The following NRXN1 variants were observed in gnomAD, a reference collection of about 807,000 sequenced individuals.
NRXN1 encodes the protein neurexin-1.
In NRXN1, 39 loss-of-function variants were observed where a neutral mutation model predicts 150.9. The ratio of observed to expected loss-of-function variants is 0.26; its 90% CI spans 0.20 to 0.34. NRXN1 has a LOEUF of 0.34. Among genes scored for constraint, NRXN1 ranks in the 10% least tolerant of loss-of-function variants. The probability of loss-of-function intolerance (pLI) is 1.00; values close to 1 mark genes in which losing one functional copy is unlikely to be tolerated. For synonymous variants in NRXN1, 924 were observed against 757.0 expected (o/e 1.22, Z -3.62); for missense variants, 1,815 against 1,949.9 (o/e 0.93, Z 1.30).
chr2:50,456,999 A>G (rs2087635174), intron 17 of NRXN1, among the ~76,000 whole-genome samples: 1 of 152,182 alleles, frequency 6.6e-6, no homozygotes, highest in Non-Finnish European at 1.5e-5. Context: ...TGATTCACAT[A>G]AAAGTACTTT....
At chr2:50,838,690 AG>A (rs1262559338) in intron 5 of NRXN1, among the ~76,000 whole-genome samples, 1 of 152,104 alleles carries the variant, frequency 6.6e-6, no homozygotes, top group African/African-American at 2.4e-5. Context: ...GTATGACTAG[AG>A]TGACGCATCT....
chr2:50,922,753 G>A, intron 3 of NRXN1, 66 bp from the exon 4 acceptor site: 5 of 1,518,898 alleles, frequency 3.3e-6, no homozygotes, highest in South Asian at 2.3e-5. Context: ...GGTTGTCACG[G>A]TGACAAAAAT....
At chr2:50,490,955 A>G (rs2091219760) in intron 15 of NRXN1, among the ~76,000 whole-genome samples, 3 of 152,200 alleles carry the variant, frequency 2.0e-5, no homozygotes. Context: ...ATAGACTAAA[A>G]AAAAAAGTAA....
intron 21 of NRXN1, among the ~76,000 whole-genome samples, chr2:50,036,215 A>G (rs923802073): frequency 2.6e-5 from 4 of 152,012 alleles, no homozygotes; most frequent in Non-Finnish European, 5.9e-5. Flanking sequence ...TGTTCTCATG[A>G]TATTGCGTGA....
intron 5 of NRXN1, among the ~76,000 whole-genome samples, chr2:50,809,203 G>A (rs1667900894): frequency 6.6e-6 from 1 of 152,020 alleles, no homozygotes; most frequent in South Asian, 2.1e-4. Context: ...GTGTAGCCTT[G>A]AGGACTTAGT....
chr2:50,877,794 G>T (rs1255114386), intron 5 of NRXN1, among the ~76,000 whole-genome samples: 1 of 151,890 alleles, frequency 6.6e-6, no homozygotes, highest in Non-Finnish European at 1.5e-5. Flanking sequence ...GGGTTAGCAA[G>T]GAGCCAGAGG....
At chr2:50,018,178 T>C (rs1686958513) in intron 21 of NRXN1, among the ~76,000 whole-genome samples, 1 of 152,150 alleles carries the variant, frequency 6.6e-6, no homozygotes, top group South Asian at 2.1e-4. Flanking sequence ...CATTTCTTCA[T>C]TAACATACAA....
intron 5 of NRXN1, among the ~76,000 whole-genome samples, chr2:50,743,411 A>T (rs1699673141): frequency 6.6e-6 from 1 of 152,154 alleles, no homozygotes; most frequent in East Asian, 1.9e-4. Context: ...GTCAGAAAAT[A>T]TTTCAAATGA....
chr2:50,952,928 T>A (rs1691640106), intron 2 of NRXN1, among the ~76,000 whole-genome samples: 1 of 152,222 alleles, frequency 6.6e-6, no homozygotes, highest in Admixed American at 6.5e-5. Flanking sequence ...GTGAATCGTT[T>A]CTTATGCTTC....
At chr2:50,991,637 G>C (rs1408119542) in intron 2 of NRXN1, among the ~76,000 whole-genome samples, 1 of 151,884 alleles carries the variant, frequency 6.6e-6, no homozygotes, top group Non-Finnish European at 1.5e-5. Flanking sequence ...TTGTCAATGA[G>C]GCCTTTGCAC....
chr2:50,063,948 C>T (rs12622134), intron 19 of NRXN1, among the ~76,000 whole-genome samples: 98,475 of 151,936 alleles, frequency 0.65, 32,202 homozygotes, highest in African/African-American at 0.7. Context: ...TGCATGATAA[C>T]ATAGTGGTAT....
chr2:50,068,753 T>A (rs984992684), intron 19 of NRXN1, among the ~76,000 whole-genome samples: 1 of 152,228 alleles, frequency 6.6e-6, no homozygotes, highest in East Asian at 1.9e-4. Flanking sequence ...TCTAAGAATG[T>A]GTACATCACA....
intron 19 of NRXN1, 136 bp downstream of exon 19, chr2:50,091,187 A>C: frequency 1.0e-6 from 1 of 979,450 alleles, no homozygotes; most frequent in Non-Finnish European, 1.6e-6. Flanking sequence ...CATTACATTC[A>C]CATGACTCTA....
chr2:50,978,070 T>G (rs1696142257), intron 2 of NRXN1, among the ~76,000 whole-genome samples: 1 of 151,292 alleles, frequency 6.6e-6, no homozygotes. Flanking sequence ...AATATTGCCC[T>G]ACTGATACTA....
At chr2:50,834,211 T>C (rs1671789343) in intron 5 of NRXN1, among the ~76,000 whole-genome samples, 1 of 152,026 alleles carries the variant, frequency 6.6e-6, no homozygotes, top group Admixed American at 6.5e-5. Flanking sequence ...ATATTGAACA[T>C]GGGAGGGATT....
intron 3 of NRXN1, among the ~76,000 whole-genome samples, chr2:50,925,560 A>G (rs565722486): frequency 6.6e-6 from 1 of 152,044 alleles, no homozygotes; most frequent in East Asian, 1.9e-4. Context: ...CCAGAATAGA[A>G]TAAGTCATTT....
intron 21 of NRXN1, among the ~76,000 whole-genome samples, chr2:49,986,874 G>A (rs1396626281): frequency 1.3e-5 from 2 of 151,742 alleles, no homozygotes; most frequent in East Asian, 3.9e-4. Flanking sequence ...GACCAGCCTG[G>A]GCAACATGGC....
At chr2:50,809,655 C>A (rs1667955749) in intron 5 of NRXN1, among the ~76,000 whole-genome samples, 1 of 152,114 alleles carries the variant, frequency 6.6e-6, no homozygotes. Context: ...CCTAAAAGAA[C>A]CCAACTACTT....
At chr2:50,243,230 G>A (rs1034068878) in intron 17 of NRXN1, among the ~76,000 whole-genome samples, 2 of 151,420 alleles carry the variant, frequency 1.3e-5, no homozygotes, top group Non-Finnish European at 1.5e-5. Context: ...TAAACATACC[G>A]ATTTGATTTT....
Sources: gnomAD v4.1 joint callset for allele counts (sites outside exome capture counted in the v4.1 genomes callset) on GRCh38, gnomAD v4.1.1 for gene constraint, MANE v1.5 for transcripts, NCBI Gene and HGNC (gene_info 2026-07-23, HGNC 2026-07-21) for gene names.